The following KCNMB4 variants were observed in gnomAD, a reference collection of about 807,000 sequenced individuals.
KCNMB4 encodes the protein calcium-activated potassium channel subunit beta-4.
Under a neutral mutation model 20.7 loss-of-function variants are expected in KCNMB4, and 3 were observed. That is an observed-to-expected ratio of 0.14 (90% CI 0.07 to 0.37). KCNMB4 has a LOEUF of 0.37. KCNMB4 is among the 10% of genes least tolerant of loss of function. The probability of loss-of-function intolerance (pLI) is 1.00; values close to 1 mark genes in which losing one functional copy is unlikely to be tolerated. For synonymous variants in KCNMB4, 110 were observed against 113.4 expected (o/e 0.97, Z 0.19); for missense variants, 168 against 265.9 (o/e 0.63, Z 2.56).
intron 1 of KCNMB4, among the ~76,000 whole-genome samples, chr12:70,382,893 A>G (rs1425132705): frequency 6.6e-6 from 1 of 152,216 alleles, no homozygotes; most frequent in Admixed American, 6.5e-5. Context: ...TGTGAACATC[A>G]TAGAGTGTAC....
At chr12:70,418,539 C>T (rs1868968895) in intron 2 of KCNMB4, among the ~76,000 whole-genome samples, 1 of 151,992 alleles carries the variant, frequency 6.6e-6, no homozygotes, top group Non-Finnish European at 1.5e-5. Context: ...GCTTTTAGGC[C>T]CTTGGATATA....
Position 70,432,251 on chromosome 12 carries a change from C to CA in KCNMB4, c.*1600dup, listed in dbSNP as rs1869388769. 6.6e-6 allele frequency: 1 copy of CA among 152,170 alleles called. No homozygotes were observed. The highest frequency in any genetic ancestry group is 1.5e-5 in the Non-Finnish European group (1 of 68,142). 9.4% of individuals were successfully genotyped at this position (152,170 alleles called of 1,614,324 possible). On this transcript the variant is annotated 3_prime_UTR_variant, in exon 3 of 3. Transcript: ENST00000258111. The stretch of plus-strand genomic sequence containing the variant: ...TTCACCGTGTTAGCCAGGATGGTCT[C>CA]AATCTCCTGACCTTGTGATCTGCCC...
intron 1 of KCNMB4, among the ~76,000 whole-genome samples, chr12:70,391,304 A>T (rs1253678402): frequency 7.3e-6 from 1 of 136,954 alleles, no homozygotes; most frequent in Non-Finnish European, 1.5e-5. Context: ...TTTTTTATTT[A>T]TTATTATTTT....
intron 2 of KCNMB4, among the ~76,000 whole-genome samples, chr12:70,424,337 G>C (rs1300274028): frequency 6.6e-6 from 1 of 151,958 alleles, no homozygotes; most frequent in Non-Finnish European, 1.5e-5. Flanking sequence ...GGAGTTCTGA[G>C]TGGATCCCCA....
intron 1 of KCNMB4, among the ~76,000 whole-genome samples, chr12:70,394,291 C>T (rs1868330421): frequency 2.0e-5 from 3 of 152,050 alleles, no homozygotes; most frequent in Non-Finnish European, 4.4e-5. Flanking sequence ...ATCTTTTTGA[C>T]AAGCAGTTCA....
intron 2 of KCNMB4, among the ~76,000 whole-genome samples, chr12:70,404,099 G>A (rs1868530064): frequency 6.6e-6 from 1 of 152,212 alleles, no homozygotes; most frequent in African/African-American, 2.4e-5. Flanking sequence ...GCTTGACAAT[G>A]TAAGATACCT....
intron 1 of KCNMB4, among the ~76,000 whole-genome samples, chr12:70,378,337 A>G (rs1883724303): frequency 6.6e-6 from 1 of 152,126 alleles, no homozygotes; most frequent in Non-Finnish European, 1.5e-5. Context: ...CTTGAACACC[A>G]CAAGTCATCC....
chr12:70,370,376 C>G (rs998103444), intron 1 of KCNMB4, among the ~76,000 whole-genome samples: 4 of 150,528 alleles, frequency 2.7e-5, no homozygotes, highest in African/African-American at 4.9e-5. Context: ...GGCATGATCT[C>G]GGCTCACTGC....
chr12:70,421,642 C>T (rs950288694), intron 2 of KCNMB4, among the ~76,000 whole-genome samples: 15 of 151,518 alleles, frequency 9.9e-5, no homozygotes, highest in African/African-American at 2.4e-4. Flanking sequence ...AGTGCAGTGG[C>T]GCAATCTTGG....
At chr12:70,367,166 C>G in intron 1 of KCNMB4, 96 bp downstream of exon 1, 1 of 985,756 alleles carries the variant, frequency 1.0e-6, no homozygotes, top group East Asian at 2.6e-5. Context: ...GGCGTGTGCT[C>G]GCATTGCTAG....
At chr12:70,407,555 C>T (rs1437144727) in intron 2 of KCNMB4, among the ~76,000 whole-genome samples, 1 of 149,024 alleles carries the variant, frequency 6.7e-6, no homozygotes, top group Non-Finnish European at 1.5e-5. Context: ...GCAAGCTCCG[C>T]CTCCCGGGTT....
chr12:70,382,803 A>G (rs1883816266), intron 1 of KCNMB4, among the ~76,000 whole-genome samples: 1 of 152,250 alleles, frequency 6.6e-6, no homozygotes, highest in South Asian at 2.1e-4. Context: ...AAGAATTACA[A>G]ATAAAAACAT....
chr12:70,414,292 C>CT (rs1868860568), intron 2 of KCNMB4, among the ~76,000 whole-genome samples: 1 of 152,136 alleles, frequency 6.6e-6, no homozygotes, highest in Non-Finnish European at 1.5e-5. Context: ...AATTGTGAGT[C>CT]TAATTAATGC....
rs765534870 is a variant in KCNMB4 at position 70,431,468 on chromosome 12, G to A, written c.*815G>A. 3 of 151,118 alleles carry A rather than the reference G, an allele frequency of 2.0e-5. No homozygotes were observed. The East Asian group carries it at 5.8e-4, about 29-fold the overall frequency. 9.4% of individuals were successfully genotyped at this position (151,118 alleles called of 1,614,324 possible). On this transcript the variant is annotated 3_prime_UTR_variant, in exon 3 of 3. Transcript: ENST00000258111. The stretch of plus-strand genomic sequence containing the variant: ...TTGTGTGCAATACAATATACATGAT[G>A]TGAAGGACACTCTTCAGCTTAGTGA...
chr12:70,409,663 C>T lies in KCNMB4; in HGVS notation c.464+9327C>T, dbSNP rs74592668. Among the ~76,000 whole-genome samples the T allele has an allele frequency of 2.1e-4, 32 of 152,234 alleles. 2 individuals carry two copies. In the East Asian group the frequency reaches 6.0e-3, roughly 28 times the overall value. On this transcript the variant is annotated intron_variant, in intron 2 of 2. Coordinates refer to ENST00000258111, the MANE Select transcript of KCNMB4 (RefSeq NM_014505.6). ...CTGAGGATGCTGCTATGAGATATTA[C>T]GGCATGATGGGGAATTTCAAAGACC...
chr12:70,378,588 G>GT, intron 1 of KCNMB4, among the ~76,000 whole-genome samples: 1 of 152,054 alleles, frequency 6.6e-6, no homozygotes, highest in East Asian at 1.9e-4. Context: ...CCAGGCTCGA[G>GT]TACAATGGTG....
chr12:70,391,586 G>A (rs1417736795), intron 1 of KCNMB4, among the ~76,000 whole-genome samples: 2 of 152,216 alleles, frequency 1.3e-5, no homozygotes, highest in Non-Finnish European at 2.9e-5. Context: ...GATTACAGGT[G>A]TGAGCCACTG....
chr12:70,392,590 A>G (rs1868308939), intron 1 of KCNMB4, among the ~76,000 whole-genome samples: 2 of 152,226 alleles, frequency 1.3e-5, no homozygotes, highest in African/African-American at 4.8e-5. Context: ...CTAAATGCCC[A>G]TCAATGATAG....
At chr12:70,426,118 A>G (rs1869206093) in intron 2 of KCNMB4, among the ~76,000 whole-genome samples, 1 of 151,924 alleles carries the variant, frequency 6.6e-6, no homozygotes, top group Non-Finnish European at 1.5e-5. Context: ...ATATGGTGAA[A>G]CCCCATCTCT....
Sources: gnomAD v4.1 joint callset for allele counts (sites outside exome capture counted in the v4.1 genomes callset) on GRCh38, gnomAD v4.1.1 for gene constraint, MANE v1.5 for transcripts, NCBI Gene and HGNC (gene_info 2026-07-23, HGNC 2026-07-21) for gene names.